NPHP4: variants seen among roughly 807,000 people sequenced by gnomAD.
NPHP4 encodes the protein nephrocystin-4.
A neutral mutation model predicts 155.8 loss-of-function variants in NPHP4; 151 were observed. That is an observed-to-expected ratio of 0.97 (90% CI 0.85 to 1.11). The LOEUF is 1.11. NPHP4 is among the 50% of genes least tolerant of loss of function. The pLI is 0.00. For synonymous variants in NPHP4, 845 were observed against 816.8 expected (o/e 1.03, Z -0.59); for missense variants, 1,956 against 1,925.7 (o/e 1.02, Z -0.29).
intron 6 of NPHP4, among the ~76,000 whole-genome samples, chr1:5,958,663 C>T (rs1649698708): frequency 6.7e-6 from 1 of 150,254 alleles, no homozygotes; most frequent in African/African-American, 2.5e-5. Flanking sequence ...CCACTTCACT[C>T]TTGCCTGGGC....
At chr1:5,883,329 G>A (rs897187228) in intron 18 of NPHP4, among the ~76,000 whole-genome samples, 2 of 151,760 alleles carry the variant, frequency 1.3e-5, no homozygotes, top group Admixed American at 6.6e-5. Flanking sequence ...TCCGGGCCAC[G>A]CTGCCCTCCA....
chr1:5,977,481 C>T (rs1653819100), intron 3 of NPHP4, among the ~76,000 whole-genome samples: 1 of 152,102 alleles, frequency 6.6e-6, no homozygotes, highest in African/African-American at 2.4e-5. Context: ...TCCACGTTCT[C>T]CTATCGGTCT....
At chr1:5,909,363 A>G in intron 11 of NPHP4, 150 bp from the exon 12 acceptor site, 1 of 702,484 alleles carries the variant, frequency 1.4e-6, no homozygotes. Context: ...CAGGGGCAAC[A>G]GCAGCAAGGG....
At chr1:5,917,130 T>C (rs988316664) in intron 11 of NPHP4, among the ~76,000 whole-genome samples, 1 of 152,084 alleles carries the variant, frequency 6.6e-6, no homozygotes, top group African/African-American at 2.4e-5. Context: ...GTGGTTTTCC[T>C]TTAGGGAATC....
At position 5,867,881 on chromosome 1, in the gene NPHP4, T is replaced by C; in HGVS notation, c.3331A>G (p.Ser1111Gly). The C allele has an allele frequency of 6.2e-7, 1 of 1,613,870 alleles. No homozygotes were observed. Among genetic ancestry groups the C allele is most frequent in the Non-Finnish European group, 8.5e-7 (1 of 1,179,870 alleles). Residue 1111 changes from serine to glycine, a missense_variant, in exon 24 of 30, where the codon AGT becomes GGT. Ser to Gly is a moderately conservative substitution (Grantham distance 56). Coordinates refer to ENST00000378156, the MANE Select transcript of NPHP4 (RefSeq NM_015102.5). This position sits in a 1 kb window ranked among gnomAD's most constrained non-coding sequence, Gnocchi z 4.1. Reference protein sequence around the residue: ...TKHAKVLFRASGGKPIAVLCL... With the variant: ...TKHAKVLFRAGGGKPIAVLCL... ...AGCACGGCGATGGGCTTGCCACCAC[T>C]CGCTCGGAACAAGACCTGTGAGGAG...
intron 18 of NPHP4, chr1:5,886,571 C>T (rs1438391165): frequency 2.0e-5 from 3 of 152,232 alleles, no homozygotes; most frequent in East Asian, 3.9e-4. Context: ...CCAGAGGACC[C>T]TCGGGAGGTT....
At chr1:5,868,513 TACTC>T (rs1641514815) in intron 23 of NPHP4, 2 of 227,590 alleles carry the variant, frequency 8.8e-6, no homozygotes, top group African/African-American at 4.6e-5. Flanking sequence ...GAGACATGCA[TACTC>T]ACACACACGC....
intron 16 of NPHP4, among the ~76,000 whole-genome samples, chr1:5,895,077 G>A (rs994196599): frequency 8.6e-5 from 13 of 151,844 alleles, no homozygotes; most frequent in East Asian, 1.9e-4. Context: ...GCAAACTACC[G>A]CAAGGACAGA....
At chr1:5,972,830 T>C (rs1057013470) in intron 3 of NPHP4, among the ~76,000 whole-genome samples, 4 of 152,204 alleles carry the variant, frequency 2.6e-5, no homozygotes, top group Admixed American at 1.3e-4. Context: ...GAGATTACGG[T>C]GCACCCATCA....
intron 10 of NPHP4, among the ~76,000 whole-genome samples, chr1:5,931,268 A>G (rs986023211): frequency 6.6e-6 from 1 of 152,140 alleles, no homozygotes; most frequent in African/African-American, 2.4e-5. Flanking sequence ...TTATAGGCAT[A>G]CCTCAAAGAT....
intron 11 of NPHP4, among the ~76,000 whole-genome samples, chr1:5,913,575 G>T (rs1489176440): frequency 6.6e-6 from 1 of 152,182 alleles, no homozygotes; most frequent in Non-Finnish European, 1.5e-5. Context: ...GCAAGGCAGG[G>T]CCTGCACTCT....
Position 5,889,085 on chromosome 1 carries a change from A to G in NPHP4, c.2305-1619T>C, listed in dbSNP as rs1643976241. 6.6e-6 allele frequency among the ~76,000 whole-genome samples: 1 copy of G among 152,212 alleles called. No individual in the cohort carries two copies. Among genetic ancestry groups the G allele is most frequent in the Non-Finnish European group, 1.5e-5 (1 of 68,034 alleles). ...GGCAGCACAGGAGCCGTCCGTCCCTAGAGGAAACTCTTCTCATCGTCGTAG... is the reference window on the plus strand; with the variant it reads ...GGCAGCACAGGAGCCGTCCGTCCCTGGAGGAAACTCTTCTCATCGTCGTAG... On this transcript the variant is annotated intron_variant, in intron 17 of 29. Transcript: ENST00000378156. The surrounding 1 kb of genome is among the most constrained non-coding windows in gnomAD (Gnocchi z 4.2).
intron 16 of NPHP4, among the ~76,000 whole-genome samples, chr1:5,898,132 C>A (rs1170834503): frequency 6.6e-6 from 1 of 152,242 alleles, no homozygotes; most frequent in African/African-American, 2.4e-5. Flanking sequence ...TTTGGAAGAA[C>A]AGATGCTCTT....
chr1:5,869,011 ACACACACACATG>A (rs1417662814), intron 23 of NPHP4, among the ~76,000 whole-genome samples: 2 of 82,830 alleles, frequency 2.4e-5, no homozygotes, highest in South Asian at 3.6e-4. Flanking sequence ...ACGCACCCAT[ACACACACACATG>A]CACACACATA....
intron 16 of NPHP4, among the ~76,000 whole-genome samples, chr1:5,891,908 A>C (rs1187305728): frequency 6.6e-6 from 1 of 152,226 alleles, no homozygotes; most frequent in Non-Finnish European, 1.5e-5. Context: ...GAGGACAAGG[A>C]GTAAGCACAA....
In NPHP4 at chr1:5,867,248, G is replaced by T; in HGVS notation, c.3473-133C>A. ...TCAGCAAGACACCTGCTGGGGAAAC[G>T]GACGCCGCCACCTTTCCCAGGACAG... On this transcript the variant is annotated intron_variant, in intron 24 of 29. Transcript: ENST00000378156. This position sits in a 1 kb window ranked among gnomAD's most constrained non-coding sequence, Gnocchi z 4.1. 1 of 657,476 alleles carries T rather than the reference G, an allele frequency of 1.5e-6. No individual in the cohort carries two copies. Among genetic ancestry groups the T allele is most frequent in the Non-Finnish European group, 2.6e-6 (1 of 377,530 alleles). 40.7% of individuals were successfully genotyped at this position (657,476 alleles called of 1,614,324 possible).
intron 2 of NPHP4, among the ~76,000 whole-genome samples, chr1:5,978,913 C>T (rs1433402617): frequency 6.6e-6 from 1 of 152,200 alleles, no homozygotes; most frequent in East Asian, 1.9e-4. Flanking sequence ...CCTGATATAA[C>T]CAGAAACTAA....
intron 9 of NPHP4, among the ~76,000 whole-genome samples, chr1:5,936,109 C>CT (rs1379860097): frequency 6.6e-6 from 1 of 152,256 alleles, no homozygotes; most frequent in East Asian, 1.9e-4. Context: ...TTTCACAGTT[C>CT]TTTTTGGTTC....
intron 9 of NPHP4, among the ~76,000 whole-genome samples, chr1:5,937,876 G>C (rs1646626087): frequency 6.6e-6 from 1 of 152,188 alleles, no homozygotes; most frequent in Non-Finnish European, 1.5e-5. Context: ...GAAGGAGACA[G>C]GGAGGCCTAA....
Sources: gnomAD v4.1 joint callset for allele counts (sites outside exome capture counted in the v4.1 genomes callset) on GRCh38, gnomAD v4.1.1 for gene constraint, Gnocchi (gnomAD v3.1) non-coding constraint, MANE v1.5 for transcripts, NCBI Gene and HGNC (gene_info 2026-07-23, HGNC 2026-07-21) for gene names.